The following NEGR1 variants were observed in gnomAD, a reference collection of about 807,000 sequenced individuals.
NEGR1 encodes the protein IgLON family member 4.
A neutral mutation model predicts 40.9 loss-of-function variants in NEGR1; 10 were observed. That is an observed-to-expected ratio of 0.24 (90% CI 0.15 to 0.42). NEGR1 has a LOEUF of 0.42. NEGR1 is among the 10% of genes least tolerant of loss of function. The pLI, the probability that NEGR1 is intolerant of heterozygous loss-of-function variation, is 1.00. For synonymous variants in NEGR1, 185 were observed against 166.8 expected (o/e 1.11, Z -0.84); for missense variants, 352 against 438.9 (o/e 0.80, Z 1.77).
At chr1:71,771,712 A>C (rs942594396) in intron 3 of NEGR1, among the ~76,000 whole-genome samples, 6 of 149,724 alleles carry the variant, frequency 4.0e-5, no homozygotes, top group African/African-American at 1.5e-4. Flanking sequence ...AAAAAAAAAA[A>C]AAAAAAAAAA....
chr1:71,982,424 C>T (rs1474340938), intron 1 of NEGR1, among the ~76,000 whole-genome samples: 10 of 152,278 alleles, frequency 6.6e-5, no homozygotes, highest in Non-Finnish European at 1.0e-4. Context: ...TGGTACAATA[C>T]AGCCAGCCTA....
At chr1:71,574,192 C>T (rs893783838) in intron 6 of NEGR1, among the ~76,000 whole-genome samples, 7 of 152,180 alleles carry the variant, frequency 4.6e-5, no homozygotes, top group Non-Finnish European at 7.3e-5. Flanking sequence ...ACTGCATGTA[C>T]ACACATCCAT....
rs144647747 is a variant in NEGR1, at chr1:71,415,936, G to A, written c.941-8366C>T. Among the ~76,000 whole-genome samples, 552 of 152,236 alleles carry A rather than the reference G, an allele frequency of 3.6e-3. 4 individuals are homozygous for A. The highest frequency in any genetic ancestry group is 0.013 in the African/African-American group (523 of 41,560). On this transcript the variant is annotated intron_variant, in intron 6 of 6. Transcript: ENST00000357731. ...TGGATGTGTGTGGGTGTGTGTATGT[G>A]TGTTTTAAACTCTGGCTTTGTCGTG... is the stretch of plus-strand genomic sequence containing the variant.
chr1:71,826,247 CTT>C (rs1485799722), intron 2 of NEGR1, among the ~76,000 whole-genome samples: 1 of 151,896 alleles, frequency 6.6e-6, no homozygotes, highest in Non-Finnish European at 1.5e-5. Flanking sequence ...TCTGCTCTGT[CTT>C]TCCCTATTTT....
intron 6 of NEGR1, among the ~76,000 whole-genome samples, chr1:71,505,010 C>T (rs1038599479): frequency 2.0e-5 from 3 of 152,058 alleles, no homozygotes; most frequent in African/African-American, 7.2e-5. Context: ...AAAAATCACA[C>T]CCTTACAGAT....
chr1:71,813,720 T>A (rs529063114), intron 2 of NEGR1, among the ~76,000 whole-genome samples: 1 of 152,246 alleles, frequency 6.6e-6, no homozygotes, highest in Admixed American at 6.5e-5. Context: ...TCATTCAAGA[T>A]CTGACTTTCT....
intron 1 of NEGR1, among the ~76,000 whole-genome samples, chr1:72,145,851 A>T (rs1044467638): frequency 7.9e-5 from 12 of 152,006 alleles, no homozygotes; most frequent in African/African-American, 2.9e-4. Flanking sequence ...GGTGATTGAC[A>T]CTCCAATTAG....
At chr1:71,794,087 T>G (rs1657227831) in intron 2 of NEGR1, 1 of 152,068 alleles carries the variant, frequency 6.6e-6, no homozygotes. Flanking sequence ...AAAGCAAAGG[T>G]GCAAACAAGT....
intron 1 of NEGR1, among the ~76,000 whole-genome samples, chr1:71,938,518 C>G (rs1570530101): frequency 6.8e-6 from 1 of 148,002 alleles, no homozygotes; most frequent in African/African-American, 2.5e-5. Context: ...CTATTTTTTC[C>G]TTTGCAATAC....
At chr1:71,843,106 C>T (rs1349703171) in intron 2 of NEGR1, among the ~76,000 whole-genome samples, 1 of 152,060 alleles carries the variant, frequency 6.6e-6, no homozygotes, top group African/African-American at 2.4e-5. Context: ...ATCCAAATGG[C>T]AAATGAATGT....
chr1:72,271,149 A>T (rs1655830622), intron 1 of NEGR1, among the ~76,000 whole-genome samples: 1 of 151,920 alleles, frequency 6.6e-6, no homozygotes, highest in African/African-American at 2.4e-5. Flanking sequence ...AATAAAACTA[A>T]GCAATCATGA....
intron 1 of NEGR1, among the ~76,000 whole-genome samples, chr1:72,140,051 G>A (rs937496271): frequency 3.3e-5 from 5 of 151,856 alleles, no homozygotes; most frequent in Admixed American, 2.6e-4. Context: ...AAGATTAAAT[G>A]GTCAGGTCAT....
At chr1:72,103,361 G>T (rs989969953) in intron 1 of NEGR1, among the ~76,000 whole-genome samples, 1 of 152,122 alleles carries the variant, frequency 6.6e-6, no homozygotes, top group East Asian at 1.9e-4. Context: ...TGTTGACAGA[G>T]CATAATTAAT....
chr1:71,641,990 T>C (rs1570141579), intron 4 of NEGR1, among the ~76,000 whole-genome samples: 1 of 151,968 alleles, frequency 6.6e-6, no homozygotes, highest in African/African-American at 2.4e-5. Context: ...CCTTAGGAAG[T>C]ACGGTGAGTT....
intron 6 of NEGR1, among the ~76,000 whole-genome samples, chr1:71,456,496 A>G (rs1646673699): frequency 6.6e-6 from 1 of 152,222 alleles, no homozygotes; most frequent in African/African-American, 2.4e-5. Context: ...CACATTATCC[A>G]GATAACAACG....
intron 6 of NEGR1, among the ~76,000 whole-genome samples, chr1:71,496,574 ATT>A (rs779762160): frequency 5.3e-5 from 7 of 131,206 alleles, no homozygotes; most frequent in Non-Finnish European, 9.7e-5. Context: ...TTGGGCTAGG[ATT>A]ATGACAGATT....
chr1:71,729,677 C>A (rs1423269520), intron 3 of NEGR1, among the ~76,000 whole-genome samples: 1 of 152,070 alleles, frequency 6.6e-6, no homozygotes, highest in Non-Finnish European at 1.5e-5. Context: ...TGCTATTGCC[C>A]AGGCTGGAGT....
At chr1:71,629,109 G>C (rs1650887148) in intron 4 of NEGR1, among the ~76,000 whole-genome samples, 1 of 151,996 alleles carries the variant, frequency 6.6e-6, no homozygotes, top group South Asian at 2.1e-4. Context: ...CATTCTAACT[G>C]GCATGAAATG....
At chr1:71,857,226 A>G (rs545384232) in intron 2 of NEGR1, among the ~76,000 whole-genome samples, 4 of 152,054 alleles carry the variant, frequency 2.6e-5, no homozygotes, top group African/African-American at 9.6e-5. Context: ...GAAGAGTCCT[A>G]TGTTAGAACT....
Sources: gnomAD v4.1 joint callset for allele counts (sites outside exome capture counted in the v4.1 genomes callset) on GRCh38, gnomAD v4.1.1 for gene constraint, MANE v1.5 for transcripts, NCBI Gene and HGNC (gene_info 2026-07-23, HGNC 2026-07-21) for gene names.